The following SLC9A9 variants were observed in gnomAD, a reference collection of about 807,000 sequenced individuals.
SLC9A9 encodes solute carrier family 9 member A9, also known as sodium/hydrogen exchanger 9.
SLC9A9 carries 62 observed loss-of-function variants against 77.8 expected under a neutral mutation model. The observed-to-expected ratio is 0.80, with a 90% CI of 0.65 to 0.98. SLC9A9 has a LOEUF of 0.98. SLC9A9 is among the 50% of genes least tolerant of loss of function. The pLI is 0.00. For synonymous variants in SLC9A9, 320 were observed against 283.5 expected, an observed-to-expected ratio of 1.13 and a Z score of -1.29; for missense variants, 775 against 774.9, an observed-to-expected ratio of 1.00 and a Z score of 0.00.
In SLC9A9 at chr3:143,346,434, C is replaced by T. The variant is rs184422712; in HGVS notation, c.1604+17050G>A. Among the ~76,000 whole-genome samples the T allele has an allele frequency of 2.0e-5, 3 of 152,178 alleles. No individual in the cohort carries two copies. In the East Asian group the frequency reaches 5.8e-4, roughly 29 times the overall value. On this transcript the variant is annotated intron_variant, in intron 14 of 15. Transcript: ENST00000316549. ...AGCTTAAAAATAATCATTCTAAAGT[C>T]TTGTTTCTTTTTCTGTAGTATGCGT...
chr3:143,566,996 A>T (rs1172122267), intron 8 of SLC9A9, among the ~76,000 whole-genome samples: 3 of 152,160 alleles, frequency 2.0e-5, no homozygotes, highest in African/African-American at 7.2e-5. Context: ...TATAAATAAT[A>T]CTGCTGAAGT....
At chr3:143,730,104 G>A (rs1934762300) in intron 4 of SLC9A9, among the ~76,000 whole-genome samples, 1 of 152,214 alleles carries the variant, frequency 6.6e-6, no homozygotes, top group South Asian at 2.1e-4. Flanking sequence ...AAGTGCACAT[G>A]TCAAGGCCAA....
chr3:143,319,035 T>G (rs116332431), intron 14 of SLC9A9, among the ~76,000 whole-genome samples: 2,180 of 152,284 alleles, frequency 0.014, 33 homozygotes, highest in Non-Finnish European at 0.023. Flanking sequence ...ACTGTCAAAC[T>G]AAAAACAAAC....
chr3:143,402,089 G>A (rs1464241089), intron 12 of SLC9A9, among the ~76,000 whole-genome samples: 7 of 151,966 alleles, frequency 4.6e-5, no homozygotes, highest in Non-Finnish European at 7.4e-5. Context: ...TCAGATGATC[G>A]CACCCTACCA....
rs749586241 is a variant in SLC9A9, at chr3:143,467,017, T to C, written c.1469+20A>G. 1.6e-5 allele frequency: 26 copies of C among 1,611,302 alleles called. No homozygotes were observed. In the Admixed American group the frequency reaches 4.0e-4, roughly 25 times the overall value. On this transcript the variant is annotated intron_variant, in intron 12 of 15. Coordinates refer to ENST00000316549, the MANE Select transcript of SLC9A9 (RefSeq NM_173653.4). ...AGCCATGCCTCATAATGATTTCCTTTGCTAGACGGTGTCACTCACCTGATC... is the reference window on the plus strand; with the variant it reads ...AGCCATGCCTCATAATGATTTCCTTCGCTAGACGGTGTCACTCACCTGATC...
At chr3:143,406,745 GC>G (rs1157326214) in intron 12 of SLC9A9, among the ~76,000 whole-genome samples, 1 of 152,086 alleles carries the variant, frequency 6.6e-6, no homozygotes, top group Non-Finnish European at 1.5e-5. Context: ...GAAGGCCAAG[GC>G]CGGGAGATCA....
In SLC9A9 at chr3:143,736,254, T is replaced by A. The variant is rs146710622; in HGVS notation, c.534-42947A>T. On this transcript the variant is annotated intron_variant, in intron 4 of 15. Transcript: ENST00000316549. ...TCTTCTTTGTACCTGCTTGTAATAA[T>A]TTATCACCTACTTCCTTCTATCTAT... Among the ~76,000 whole-genome samples the A allele has an allele frequency of 5.0e-3, 754 of 152,310 alleles. 6 individuals are homozygous for A. The highest frequency in any genetic ancestry group is 0.016 in the African/African-American group (650 of 41,558).
chr3:143,435,300 A>T (rs553238985), intron 12 of SLC9A9, among the ~76,000 whole-genome samples: 1 of 152,260 alleles, frequency 6.6e-6, no homozygotes, highest in Non-Finnish European at 1.5e-5. Flanking sequence ...AACCCAATTC[A>T]CCTGATTCTC....
At chr3:143,455,516 C>T (rs774493523) in intron 12 of SLC9A9, among the ~76,000 whole-genome samples, 2 of 152,134 alleles carry the variant, frequency 1.3e-5, no homozygotes, top group Admixed American at 6.5e-5. Flanking sequence ...AAATTGATGT[C>T]TTAACTATAT....
At chr3:143,659,587 T>C (rs142050622) in intron 5 of SLC9A9, among the ~76,000 whole-genome samples, 147 of 152,166 alleles carry the variant, frequency 9.7e-4, no homozygotes, top group Middle Eastern at 3.4e-3. Context: ...AGAGTAATAT[T>C]GAGAAGAGTC....
intron 5 of SLC9A9, among the ~76,000 whole-genome samples, chr3:143,662,194 T>C (rs1373841035): frequency 6.6e-6 from 1 of 152,222 alleles, no homozygotes; most frequent in Non-Finnish European, 1.5e-5. Flanking sequence ...TCTATTGTAC[T>C]AGATACTGCA....
chr3:143,646,565 A>G (rs1423517413), intron 6 of SLC9A9, among the ~76,000 whole-genome samples: 1 of 150,912 alleles, frequency 6.6e-6, no homozygotes, highest in East Asian at 1.9e-4. Context: ...ATGACTTCAT[A>G]GGGTTCCATG....
chr3:143,406,451 C>T (rs1185717054), intron 12 of SLC9A9, among the ~76,000 whole-genome samples: 1 of 151,636 alleles, frequency 6.6e-6, no homozygotes, highest in Non-Finnish European at 1.5e-5. Context: ...GATCTCGACT[C>T]ACTGCAACCT....
chr3:143,705,995 C>T (rs1933962663), intron 4 of SLC9A9, among the ~76,000 whole-genome samples: 1 of 152,228 alleles, frequency 6.6e-6, no homozygotes, highest in Admixed American at 6.5e-5. Flanking sequence ...AAACAGCTCT[C>T]TTTTACTTGC....
At chr3:143,754,297 G>A (rs1162347247) in intron 4 of SLC9A9, among the ~76,000 whole-genome samples, 1 of 152,212 alleles carries the variant, frequency 6.6e-6, no homozygotes, top group Non-Finnish European at 1.5e-5. Flanking sequence ...CCAGGGTCAG[G>A]ATATGATGCC....
At chr3:143,383,303 T>C (rs1263061789) in intron 12 of SLC9A9, among the ~76,000 whole-genome samples, 1 of 152,212 alleles carries the variant, frequency 6.6e-6, no homozygotes, top group Non-Finnish European at 1.5e-5. Context: ...AAGCTGTTCC[T>C]ACTCCGGGGT....
intron 9 of SLC9A9, chr3:143,503,977 G>A: frequency 4.9e-6 from 2 of 406,102 alleles, no homozygotes; most frequent in South Asian, 3.9e-5. Flanking sequence ...TAATACACTG[G>A]TGAACTCCAC....
At chr3:143,413,460 C>G (rs779822873) in intron 12 of SLC9A9, among the ~76,000 whole-genome samples, 1 of 152,150 alleles carries the variant, frequency 6.6e-6, no homozygotes, top group Admixed American at 6.5e-5. Context: ...CAGACTCCCA[C>G]CTCAGAGAGA....
chr3:143,659,539 G>A (rs16853999), intron 5 of SLC9A9, among the ~76,000 whole-genome samples: 1 of 152,088 alleles, frequency 6.6e-6, no homozygotes. Context: ...GAACATTCCT[G>A]CTCCTTAAAT....
Sources: allele counts gnomAD v4.1 joint callset (sites outside exome capture counted in the v4.1 genomes callset), GRCh38; gene constraint gnomAD v4.1.1; transcripts MANE v1.5; gene names NCBI Gene and HGNC (gene_info 2026-07-23, HGNC 2026-07-21).